The following TERF1 variants were observed in gnomAD, a reference collection of about 807,000 sequenced individuals.
The protein encoded by TERF1 is telomeric repeat binding factor 1, also known as telomeric repeat-binding factor 1.
In TERF1, 20 loss-of-function variants were observed where a neutral mutation model predicts 55.1. The observed-to-expected ratio is 0.36, with a 90% CI of 0.26 to 0.53. The LOEUF (loss-of-function observed/expected upper bound fraction) is 0.53. Among genes scored for constraint, TERF1 ranks in the 20% least tolerant of loss-of-function variants. The probability of loss-of-function intolerance (pLI) is 0.91; values close to 1 mark genes in which losing one functional copy is unlikely to be tolerated. For synonymous variants in TERF1, 168 were observed against 181.2 expected, an observed-to-expected ratio of 0.93 and a Z score of 0.59; for missense variants, 439 against 535.7, an observed-to-expected ratio of 0.82 and a Z score of 1.78.
At chr8:73,009,295 C>CCAGG in intron 1 of TERF1, 90 bp downstream of exon 1, 1 of 238,604 alleles carries the variant, frequency 4.2e-6, no homozygotes, top group South Asian at 6.8e-5. Flanking sequence ...CCTACGTCGC[C>CCAGG]GAGGGAGGGG....
chr8:73,039,124 A>G lies in TERF1; in HGVS notation c.1048A>G (p.Lys350Glu). Residue 350 changes from lysine (K) to glutamate (E), a missense_variant, in exon 9 of 10, where the codon AAG becomes GAG. Lys to Glu is a moderately conservative substitution (Grantham distance 56). Transcript: ENST00000276603. The stretch of plus-strand genomic sequence containing the variant: ...TATTTTTCTACTTTTAGGTACAAAA[A>G]AGAAAAAAGAAAGCAGAAGAGCCAC... ...RRVGTPQSTKKKKESRRATES... is the reference protein window; with the variant it reads ...RRVGTPQSTKEKKESRRATES... The G allele has an allele frequency of 6.3e-7, 1 of 1,580,534 alleles. No individual in the cohort carries two copies. Among genetic ancestry groups the G allele is most frequent in the Non-Finnish European group, 8.6e-7 (1 of 1,167,306 alleles).
At position 73,046,221 on chromosome 8, in the gene TERF1, T is replaced by A. The variant is rs1810027021; in HGVS notation, c.*84T>A. 4 of 1,257,382 alleles carry A rather than the reference T, an allele frequency of 3.2e-6. No homozygotes were observed. The highest frequency in any genetic ancestry group is 1.6e-5 in the African/African-American group (1 of 64,410). 77.9% of individuals were successfully genotyped at this position (1,257,382 alleles called of 1,614,324 possible). A position where few individuals can be genotyped will look rare whatever the true frequency, so the allele number is the denominator to read the frequency against. On this transcript the variant is annotated 3_prime_UTR_variant, in exon 10 of 10. Transcript: ENST00000276603. ...TTGAAACTTGTGTCATTGATGTAAT[T>A]TAAAACTTTTGTTTAAAGCATTACA...
At chr8:73,024,792 A>G (rs1346521225) in intron 4 of TERF1, 30 bp from the exon 5 acceptor site, 2 of 1,475,304 alleles carry the variant, frequency 1.4e-6, no homozygotes, top group Non-Finnish European at 1.8e-6. Flanking sequence ...TGTGTGATTT[A>G]TGTTAATATA....
chr8:73,031,001 G>A (rs1809259397), intron 7 of TERF1: 1 of 152,246 alleles, frequency 6.6e-6, no homozygotes, highest in Admixed American at 6.5e-5. Context: ...CATAATAGCA[G>A]CACTTAGGTG....
chr8:73,035,777 G>C (rs1356306480), intron 8 of TERF1, among the ~76,000 whole-genome samples: 1 of 152,036 alleles, frequency 6.6e-6, no homozygotes, highest in Non-Finnish European at 1.5e-5. Flanking sequence ...TTCCTGACTG[G>C]AACACACCCA....
At chr8:73,043,912 A>C (rs1005979691) in intron 9 of TERF1, among the ~76,000 whole-genome samples, 4 of 152,216 alleles carry the variant, frequency 2.6e-5, no homozygotes, top group African/African-American at 9.6e-5. Context: ...AGAAATGCTT[A>C]ACTTGGAGAC....
intron 9 of TERF1, 63 bp downstream of exon 9, chr8:73,039,282 G>T: frequency 8.3e-7 from 1 of 1,199,076 alleles, no homozygotes; most frequent in Non-Finnish European, 1.2e-6. Context: ...TTGAATAATT[G>T]TGATTATTTC....
chr8:73,037,705 TATATTATATATA>T (rs1809619449), intron 8 of TERF1, among the ~76,000 whole-genome samples: 2 of 11,948 alleles, frequency 1.7e-4, no homozygotes, highest in Non-Finnish European at 4.0e-4. Context: ...AGTATAATAT[TATATTATATATA>T]ATATATATTA....
intron 8 of TERF1, 72 bp downstream of exon 8, chr8:73,032,205 C>A: frequency 9.3e-7 from 1 of 1,075,440 alleles, no homozygotes; most frequent in Non-Finnish European, 1.3e-6. Context: ...ATTGACTTTA[C>A]CACTATAGCA....
At chr8:73,020,449 T>C (rs1448500598) in intron 2 of TERF1, among the ~76,000 whole-genome samples, 1 of 152,186 alleles carries the variant, frequency 6.6e-6, no homozygotes, top group Non-Finnish European at 1.5e-5. Flanking sequence ...AAAATTCATG[T>C]TTTTGTAAAG....
intron 8 of TERF1, among the ~76,000 whole-genome samples, chr8:73,034,027 T>G (rs1809408212): frequency 6.6e-6 from 1 of 152,182 alleles, no homozygotes; most frequent in Non-Finnish European, 1.5e-5. Flanking sequence ...CTTGGCTCAC[T>G]GTAGCATCTA....
chr8:73,030,190 G>A, intron 6 of TERF1, 146 bp from the exon 7 acceptor site: 2 of 487,124 alleles, frequency 4.1e-6, no homozygotes, highest in Non-Finnish European at 7.2e-6. Context: ...ATGTTGTAAT[G>A]GACTGTATAT....
At chr8:73,042,020 C>T (rs1053336752) in intron 9 of TERF1, among the ~76,000 whole-genome samples, 2 of 152,162 alleles carry the variant, frequency 1.3e-5, no homozygotes, top group Admixed American at 6.6e-5. Flanking sequence ...GTTTTCAGGA[C>T]AGCAGTTTGC....
At position 73,027,085 on chromosome 8, in the gene TERF1, T is replaced by C. The variant is rs376682379; in HGVS notation, c.887+33T>C. The C allele has an allele frequency of 8.1e-5, 121 of 1,490,316 alleles. 1 individual carries two copies. The African/African-American group carries it at 1.5e-3, about 18-fold the overall frequency. 92.3% of individuals were successfully genotyped at this position (1,490,316 alleles called of 1,614,324 possible). On this transcript the variant is annotated intron_variant, in intron 6 of 9. Transcript: ENST00000276603. ...ATTTAATCAATTTGTATATTTTTTG[T>C]TTTATGAATGTTCTGTCTTTATGTA... is the stretch of plus-strand genomic sequence containing the variant.
rs1030219843 is a variant in TERF1 at position 73,032,125 on chromosome 8, C to G, written c.1031C>G (p.Thr344Ser). The G allele has an allele frequency of 6.2e-7, 1 of 1,609,238 alleles. No individual in the cohort carries two copies. Among genetic ancestry groups the G allele is most frequent in the Non-Finnish European group, 8.5e-7 (1 of 1,177,610 alleles). Reference protein sequence around the residue: ...DLNKKERRVGTPQSTKKKKES... With the variant: ...DLNKKERRVGSPQSTKKKKES... ...AATAAGAAAGAAAGAAGAGTAGGAA[C>G]TCCTCAAAGTGAGTACTGTTATAAC... The change falls in exon 8 of 10, where the codon ACT (threonine) becomes AGT (serine). Residue 344 changes from threonine to serine, a missense_variant. By Grantham distance (58) the Thr-to-Ser change is moderately conservative (BLOSUM62 1). This residue lies in a region of TERF1 where 140 missense variants were observed against 158.6 expected (regional missense o/e 0.88). Transcript: ENST00000276603.
chr8:73,038,729 C>CT, intron 8 of TERF1: 1 of 961,530 alleles, frequency 1.0e-6, no homozygotes. Flanking sequence ...TCTTACCAAA[C>CT]TGACTATGAA....
intron 7 of TERF1, 71 bp downstream of exon 7, chr8:73,030,466 A>G: frequency 3.1e-6 from 3 of 959,314 alleles, no homozygotes; most frequent in Non-Finnish European, 4.4e-6. Context: ...CAGACCTAAT[A>G]AAAACTACCA....
intron 8 of TERF1, among the ~76,000 whole-genome samples, chr8:73,035,010 T>C (rs1444585504): frequency 6.6e-6 from 1 of 152,174 alleles, no homozygotes; most frequent in Non-Finnish European, 1.5e-5. Flanking sequence ...AAGTTACATA[T>C]GTTACTTTAA....
chr8:73,034,166 C>T (rs1028550252), intron 8 of TERF1, among the ~76,000 whole-genome samples: 2 of 152,092 alleles, frequency 1.3e-5, no homozygotes, highest in Non-Finnish European at 2.9e-5. Context: ...GGGTCTTGCA[C>T]TGTCACCCTG....
Sources: gnomAD v4.1 joint callset for allele counts (sites outside exome capture counted in the v4.1 genomes callset) on GRCh38, gnomAD v4.1.1 for gene constraint, gnomAD v4.1.1 regional missense constraint, MANE v1.5 for transcripts, NCBI Gene and HGNC (gene_info 2026-07-23, HGNC 2026-07-21) for gene names.